The following CRLF3 variants were observed in gnomAD, a reference collection of about 807,000 sequenced individuals.
CRLF3 encodes the protein cytokine receptor like factor 3.
Under a neutral mutation model 55.0 loss-of-function variants are expected in CRLF3, and 33 were observed. That is an observed-to-expected ratio of 0.60 (90% CI 0.46 to 0.80). The LOEUF (loss-of-function observed/expected upper bound fraction) is 0.80, where lower values mean the gene tolerates loss of function less well. CRLF3 is among the 30% of genes least tolerant of loss of function. CRLF3 has a pLI of 0.00. For synonymous variants in CRLF3, 238 were observed against 196.8 expected, an observed-to-expected ratio of 1.21 and a Z score of -1.75; for missense variants, 494 against 538.4, an observed-to-expected ratio of 0.92 and a Z score of 0.82.
intron 1 of CRLF3, among the ~76,000 whole-genome samples, chr17:30,807,514 T>C (rs1435386840): frequency 1.4e-5 from 2 of 139,568 alleles, no homozygotes; most frequent in African/African-American, 5.6e-5. Context: ...ACAATTTTCT[T>C]TCCTTTTTTT....
chr17:30,783,981 TAA>T lies in CRLF3; in HGVS notation c.*204_*205del, dbSNP rs1447317330. 1 of 523,718 alleles carries T rather than the reference TAA, an allele frequency of 1.9e-6. No homozygotes were observed. The highest frequency in any genetic ancestry group is 3.1e-5 in the East Asian group (1 of 32,454). The allele number at this position is 523,718 out of a possible 1,614,324, so 32.4% of individuals were successfully genotyped here. ...TGTGATGTGATATTTAACAGTATGC[TAA>T]AAATAAAATTGACTGAATTGTATGA... On this transcript the variant is annotated 3_prime_UTR_variant, in exon 8 of 8. Coordinates refer to ENST00000324238, the MANE Select transcript of CRLF3 (RefSeq NM_015986.4).
In CRLF3 at chr17:30,784,454, A is replaced by G; in HGVS notation, c.1073-11T>C. On this transcript the variant is annotated splice_polypyrimidine_tract_variant and intron_variant, in intron 7 of 7. Coordinates refer to ENST00000324238, the MANE Select transcript of CRLF3 (RefSeq NM_015986.4). ...TGACAAAAACTGCACCTAAAATGTT[A>G]AGGTAAAGAGTCATTTACATGTGAG... The G allele has an allele frequency of 6.2e-7, 1 of 1,605,990 alleles. No homozygotes were observed.
chr17:30,798,757 T>G (rs554794612), intron 2 of CRLF3, among the ~76,000 whole-genome samples: 1 of 152,004 alleles, frequency 6.6e-6, no homozygotes, highest in African/African-American at 2.4e-5. Flanking sequence ...TAGAATCGCT[T>G]GAACCCGAGA....
intron 1 of CRLF3, among the ~76,000 whole-genome samples, chr17:30,821,298 C>T (rs1904989014): frequency 6.6e-6 from 1 of 150,824 alleles, no homozygotes; most frequent in Admixed American, 6.6e-5. Context: ...TGAGATTGTG[C>T]CACTGCACTC....
At position 30,783,123 on chromosome 17, in the gene CRLF3, G is replaced by T. The variant is rs966530967; in HGVS notation, c.*1064C>A. The T allele has an allele frequency of 3.3e-5, 5 of 152,168 alleles. No homozygotes were observed. The highest frequency in any genetic ancestry group is 5.9e-5 in the Non-Finnish European group (4 of 68,032). The allele number at this position is 152,168 out of a possible 1,614,324, so 9.4% of individuals were successfully genotyped here. On this transcript the variant is annotated 3_prime_UTR_variant, in exon 8 of 8. Coordinates refer to ENST00000324238, the MANE Select transcript of CRLF3 (RefSeq NM_015986.4). The stretch of plus-strand genomic sequence containing the variant: ...TGGACTGCAGCTCATTCTCTGCAAA[G>T]AGTAAAATGCATGTCACAGGCAGAT...
intron 2 of CRLF3, 41 bp downstream of exon 2, chr17:30,803,860 T>G: frequency 7.0e-7 from 1 of 1,418,684 alleles, no homozygotes; most frequent in Non-Finnish European, 9.9e-7. Context: ...AGTGTGAAAA[T>G]GGACGAATGC....
At chr17:30,793,362 G>T in intron 5 of CRLF3, 88 bp downstream of exon 5, 1 of 925,676 alleles carries the variant, frequency 1.1e-6, no homozygotes, top group Non-Finnish European at 1.7e-6. Flanking sequence ...GCTTAGAATA[G>T]CTGGTTGTCA....
intron 7 of CRLF3, 132 bp downstream of exon 7, chr17:30,785,781 TAAAAAA>T (rs55664579): frequency 2.0e-4 from 87 of 427,766 alleles, no homozygotes; most frequent in East Asian, 1.5e-3. Context: ...GACTTCATAA[TAAAAAA>T]AAAAAAAAAG....
chr17:30,791,117 CT>C (rs1971789612), intron 6 of CRLF3, among the ~76,000 whole-genome samples: 4 of 151,992 alleles, frequency 2.6e-5, no homozygotes, highest in Admixed American at 1.3e-4. Context: ...GGGTCTTGCC[CT>C]GTTGCCAGGC....
Position 30,792,512 on chromosome 17 carries a change from T to C in CRLF3, c.887A>G (p.Asn296Ser). 6.2e-7 allele frequency: 1 copy of C among 1,613,086 alleles called. No individual in the cohort carries two copies. Among genetic ancestry groups the C allele is most frequent in the Non-Finnish European group, 8.5e-7 (1 of 1,179,104 alleles). Residue 296 changes from asparagine to serine, a missense_variant, in exon 6 of 8, where the codon AAC becomes AGC. By Grantham distance (46) the Asn-to-Ser change is conservative. Transcript: ENST00000324238. ...GAGAACACCCGATGATTCAGAATCGTTCCGAAGTGCTATATTTCTTCGACT... is the reference window on the plus strand; with the variant it reads ...GAGAACACCCGATGATTCAGAATCGCTCCGAAGTGCTATATTTCTTCGACT... ...LSSRRNIALR[N>S]DSESSGVLYS...
At position 30,797,316 on chromosome 17, in the gene CRLF3, C is replaced by A; in HGVS notation, c.420G>T (p.Leu140Phe). Residue 140 changes from leucine to phenylalanine, a missense_variant, in exon 3 of 8, where the codon TTG (leucine) becomes TTT (phenylalanine). Transcript: ENST00000324238. ...AAAGGCACAAACTCTTTTACCTGTC[C>A]AACTGAATGTGCGAGGCCTTTTTGG... ...SFTKKASHIQ[L>F]DSLPEVPLLV... 1 of 1,611,236 alleles carries A rather than the reference C, an allele frequency of 6.2e-7. No individual in the cohort carries two copies.
intron 2 of CRLF3, among the ~76,000 whole-genome samples, chr17:30,803,174 A>AATAT (rs1555549204): frequency 1.3e-5 from 2 of 149,818 alleles, no homozygotes; most frequent in African/African-American, 2.5e-5. Flanking sequence ...TCAAAAAAAA[A>AATAT]ATATATATAT....
Position 30,783,047 on chromosome 17 carries a change from A to G in CRLF3, c.*1140T>C, listed in dbSNP as rs1242714991. ...TTTAAAAAAAATAAGTATTTACGCT[A>G]TATTTTTTTGCTCTGCTAAAAAGAG... On this transcript the variant is annotated 3_prime_UTR_variant, in exon 8 of 8. Coordinates refer to ENST00000324238, the MANE Select transcript of CRLF3 (RefSeq NM_015986.4). 6.6e-6 allele frequency: 1 copy of G among 152,204 alleles called. No individual in the cohort carries two copies. Among genetic ancestry groups the G allele is most frequent in the Non-Finnish European group, 1.5e-5 (1 of 68,032 alleles). The allele number at this position is 152,204 out of a possible 1,614,324, so 9.4% of individuals were successfully genotyped here. A position where few individuals can be genotyped will look rare whatever the true frequency, so the allele number is the denominator to read the frequency against.
At chr17:30,810,032 GTA>G in intron 1 of CRLF3, 1 of 152,284 alleles carries the variant, frequency 6.6e-6, no homozygotes, top group Non-Finnish European at 1.5e-5. Flanking sequence ...ATAACACGTA[GTA>G]TTTCCTGTCC....
rs559703570 is a variant in CRLF3 at position 30,811,490 on chromosome 17, A to C, written c.130-7382T>G. Among the ~76,000 whole-genome samples the C allele has an allele frequency of 3.4e-3, 508 of 151,618 alleles. 2 individuals carry two copies. Among genetic ancestry groups the C allele is most frequent in the African/African-American group, 0.012 (483 of 41,320 alleles). On this transcript the variant is annotated intron_variant, in intron 1 of 7. Coordinates refer to ENST00000324238, the MANE Select transcript of CRLF3 (RefSeq NM_015986.4). The stretch of plus-strand genomic sequence containing the variant: ...CAAACAAAAAACACCACAAAAAAAA[A>C]CAGAAAAACATATTTATCAAAAATA...
At chr17:30,813,605 C>T (rs1048401958) in intron 1 of CRLF3, among the ~76,000 whole-genome samples, 6 of 151,464 alleles carry the variant, frequency 4.0e-5, no homozygotes, top group East Asian at 1.9e-4. Context: ...CTGTGCTAAG[C>T]GTTTTTTTTT....
At chr17:30,804,265 T>C (rs1204588661) in intron 1 of CRLF3, among the ~76,000 whole-genome samples, 157 bp from the exon 2 acceptor site, 2 of 152,244 alleles carry the variant, frequency 1.3e-5, no homozygotes. Flanking sequence ...GATATTTTGA[T>C]ACACATATAC....
chr17:30,784,406 C>T lies in CRLF3; in HGVS notation c.1110G>A (p.Gln370=). The T allele has an allele frequency of 1.2e-6, 2 of 1,613,648 alleles. No homozygotes were observed. Among genetic ancestry groups the T allele is most frequent in the Non-Finnish European group, 1.7e-6 (2 of 1,179,588 alleles). The change falls in exon 8 of 8, where the codon CAG becomes CAA. Residue 370 remains glutamine (Q), a synonymous_variant. Coordinates refer to ENST00000324238, the MANE Select transcript of CRLF3 (RefSeq NM_015986.4). The stretch of plus-strand genomic sequence containing the variant: ...TGGACCCAGAAGTAACTGCGGGTAA[C>T]TGATTTGTCATTTCTTTTCCATTGA... The part of the protein sequence containing the change: ...VFVNGKEMTN[Q]LPAVTSGSTV...
At chr17:30,811,403 G>A (rs946779315) in intron 1 of CRLF3, among the ~76,000 whole-genome samples, 34 of 151,810 alleles carry the variant, frequency 2.2e-4, no homozygotes, top group Admixed American at 2.0e-3. Flanking sequence ...GCAGTGAGCC[G>A]AGATCACGCC....
Sources: allele counts gnomAD v4.1 joint callset (sites outside exome capture counted in the v4.1 genomes callset), GRCh38; gene constraint gnomAD v4.1.1; transcripts MANE v1.5; gene names NCBI Gene and HGNC (gene_info 2026-07-23, HGNC 2026-07-21).